The following PTPRG variants were observed in gnomAD, a reference collection of about 807,000 sequenced individuals.
PTPRG encodes the protein receptor-type tyrosine-protein phosphatase gamma.
A neutral mutation model predicts 165.3 loss-of-function variants in PTPRG; 102 were observed. The observed-to-expected ratio is 0.62, with a 90% CI of 0.53 to 0.73. The LOEUF (loss-of-function observed/expected upper bound fraction) is 0.73, where lower values mean the gene tolerates loss of function less well. Among genes scored for constraint, PTPRG ranks in the 30% least tolerant of loss-of-function variants. The pLI, the probability that PTPRG is intolerant of heterozygous loss-of-function variation, is 0.00. For missense variants in PTPRG, 1,866 were observed against 1,861.4 expected (o/e 1.00, Z -0.05); for synonymous variants, 675 against 669.5 (o/e 1.01, Z -0.13).
intron 2 of PTPRG, among the ~76,000 whole-genome samples, chr3:61,751,518 T>C (rs1342139939): frequency 6.6e-6 from 1 of 152,166 alleles, no homozygotes; most frequent in Non-Finnish European, 1.5e-5. Context: ...CCATGGGTGC[T>C]TTAGGGGTGC....
intron 13 of PTPRG, among the ~76,000 whole-genome samples, chr3:62,220,035 G>C (rs1339011912): frequency 6.6e-6 from 1 of 152,218 alleles, no homozygotes; most frequent in Non-Finnish European, 1.5e-5. Context: ...AAGGAGGAGG[G>C]AACCAAATGG....
intron 2 of PTPRG, among the ~76,000 whole-genome samples, chr3:61,752,793 A>AAAAAAAAG (rs2033486551): frequency 2.5e-5 from 2 of 80,358 alleles, no homozygotes; most frequent in African/African-American, 9.2e-5. Flanking sequence ...CTCAAAAAAA[A>AAAAAAAAG]AAAAAAAAGA....
chr3:61,984,930 TC>T (rs2040722210), intron 2 of PTPRG, among the ~76,000 whole-genome samples: 1 of 152,236 alleles, frequency 6.6e-6, no homozygotes, highest in African/African-American at 2.4e-5. Context: ...TCTGATGTAT[TC>T]CCCATGATTA....
At chr3:61,675,166 A>G (rs1703178408) in intron 1 of PTPRG, among the ~76,000 whole-genome samples, 1 of 152,180 alleles carries the variant, frequency 6.6e-6, no homozygotes, top group African/African-American at 2.4e-5. Context: ...ATAGCAAGCA[A>G]TATTCTTTAT....
At chr3:62,286,961 T>C (rs1018650759) in intron 28 of PTPRG, among the ~76,000 whole-genome samples, 4 of 152,148 alleles carry the variant, frequency 2.6e-5, no homozygotes, top group Non-Finnish European at 5.9e-5. Flanking sequence ...ATCTGTGCAT[T>C]TGATTGATTT....
At chr3:61,606,305 G>A (rs1396984089) in intron 1 of PTPRG, among the ~76,000 whole-genome samples, 2 of 152,186 alleles carry the variant, frequency 1.3e-5, no homozygotes, top group Non-Finnish European at 2.9e-5. Context: ...TCTCCACAAT[G>A]TGGATGTTTG....
At position 62,195,286 on chromosome 3, in the gene PTPRG, C is replaced by A; in HGVS notation, c.1327+116C>A. 1 of 956,796 alleles carries A rather than the reference C, an allele frequency of 1.0e-6. No homozygotes were observed. Among genetic ancestry groups the A allele is most frequent in the Non-Finnish European group, 1.6e-6 (1 of 612,958 alleles). The allele number at this position is 956,796 out of a possible 1,614,324, so 59.3% of individuals were successfully genotyped here. On this transcript the variant is annotated intron_variant, in intron 10 of 29. Coordinates refer to ENST00000474889, the MANE Select transcript of PTPRG (RefSeq NM_002841.4). This position sits in a 1 kb window ranked among gnomAD's most constrained non-coding sequence, Gnocchi z 4.4. ...ATACAAACAAGCCTGGCAGAAGAAT[C>A]AGTGTAGGGTTTTAAAGCCTATGCG...
chr3:61,780,262 G>C (rs1454757584), intron 2 of PTPRG, among the ~76,000 whole-genome samples: 1 of 152,158 alleles, frequency 6.6e-6, no homozygotes, highest in Non-Finnish European at 1.5e-5. Flanking sequence ...ACTTTGTTTT[G>C]TTGTTTCATG....
intron 1 of PTPRG, among the ~76,000 whole-genome samples, chr3:61,720,409 C>T (rs954865268): frequency 6.6e-6 from 1 of 152,206 alleles, no homozygotes; most frequent in African/African-American, 2.4e-5. Flanking sequence ...CAGGTGTGAG[C>T]CACCACTCCC....
intron 1 of PTPRG, among the ~76,000 whole-genome samples, chr3:61,632,636 C>T (rs1701800776): frequency 6.6e-6 from 1 of 152,244 alleles, no homozygotes; most frequent in East Asian, 1.9e-4. Flanking sequence ...TATTTGGAAA[C>T]CCTGGGAGGA....
At chr3:62,220,465 T>A (rs1408075497) in intron 13 of PTPRG, among the ~76,000 whole-genome samples, 1 of 152,106 alleles carries the variant, frequency 6.6e-6, no homozygotes, top group Admixed American at 6.5e-5. Context: ...TCATTGTGTA[T>A]AGATCTATTT....
intron 1 of PTPRG, among the ~76,000 whole-genome samples, chr3:61,710,690 T>C (rs185100711): frequency 3.0e-4 from 46 of 152,292 alleles, no homozygotes; most frequent in African/African-American, 9.6e-4. Flanking sequence ...AGTCCTTCTT[T>C]TTCCAGTGTG....
chr3:62,003,629 T>C, intron 4 of PTPRG, 132 bp downstream of exon 4: 1 of 1,167,354 alleles, frequency 8.6e-7, no homozygotes, highest in Non-Finnish European at 1.2e-6. Flanking sequence ...CTGGAAACCC[T>C]TTATCCATAG....
intron 1 of PTPRG, among the ~76,000 whole-genome samples, chr3:61,724,216 C>CAAAAAAAAA (rs2032164176): frequency 1.2e-4 from 1 of 8,218 alleles, no homozygotes; most frequent in African/African-American, 5.8e-4. Flanking sequence ...ACTCCCATCT[C>CAAAAAAAAA]CAAAAAAAAA....
chr3:61,597,644 G>T (rs1360937514), intron 1 of PTPRG, among the ~76,000 whole-genome samples: 2 of 151,662 alleles, frequency 1.3e-5, no homozygotes, highest in African/African-American at 4.9e-5. Context: ...AAATTGGTTT[G>T]GATTTCCTGT....
chr3:61,603,499 T>A (rs1348105564), intron 1 of PTPRG, among the ~76,000 whole-genome samples: 2 of 152,184 alleles, frequency 1.3e-5, no homozygotes, highest in African/African-American at 4.8e-5. Flanking sequence ...TGAAAAACTG[T>A]GAGCTCTTTT....
chr3:61,905,583 A>G (rs747203630), intron 2 of PTPRG, among the ~76,000 whole-genome samples: 1 of 152,164 alleles, frequency 6.6e-6, no homozygotes, highest in Non-Finnish European at 1.5e-5. Flanking sequence ...CACAAATTCA[A>G]TCCCCAGGAG....
chr3:61,934,162 C>T lies in PTPRG; in HGVS notation c.191-55463C>T, dbSNP rs557186032. Reference sequence around the variant, plus strand: ...ACAAAAGAAAGGTGCCAGTCTTAAGCGTAGCTCTCATCACATTAAGTTTTA... The same window carrying T: ...ACAAAAGAAAGGTGCCAGTCTTAAGTGTAGCTCTCATCACATTAAGTTTTA... On this transcript the variant is annotated intron_variant, in intron 2 of 29. Coordinates refer to ENST00000474889, the MANE Select transcript of PTPRG (RefSeq NM_002841.4). 5.5e-4 allele frequency among the ~76,000 whole-genome samples: 84 copies of T among 152,258 alleles called. 1 individual carries two copies. In the South Asian group the frequency reaches 0.012, roughly 23 times the overall value.
At chr3:61,794,538 T>C (rs1196692312) in intron 2 of PTPRG, among the ~76,000 whole-genome samples, 1 of 152,226 alleles carries the variant, frequency 6.6e-6, no homozygotes, top group African/African-American at 2.4e-5. Flanking sequence ...TGTTTAAATA[T>C]TTTGTTGTTT....
Sources: gnomAD v4.1 joint callset for allele counts (sites outside exome capture counted in the v4.1 genomes callset) on GRCh38, gnomAD v4.1.1 for gene constraint, Gnocchi (gnomAD v3.1) non-coding constraint, MANE v1.5 for transcripts, NCBI Gene and HGNC (gene_info 2026-07-23, HGNC 2026-07-21) for gene names.